The following ELP3 variants were observed in gnomAD, a reference collection of about 807,000 sequenced individuals.
ELP3 encodes the protein elongator complex protein 3.
Under a neutral mutation model 74.9 loss-of-function variants are expected in ELP3, and 56 were observed. The observed-to-expected ratio is 0.75, with a 90% confidence interval of 0.60 to 0.93. The LOEUF (loss-of-function observed/expected upper bound fraction) is 0.93, where lower values mean the gene tolerates loss of function less well. Among genes scored for constraint, ELP3 ranks in the 40% least tolerant of loss-of-function variants. The probability of loss-of-function intolerance (pLI) is 0.00; values close to 1 mark genes in which losing one functional copy is unlikely to be tolerated. For missense variants in ELP3, 573 were observed against 686.5 expected, an observed-to-expected ratio of 0.83 and a Z score of 1.85; for synonymous variants, 222 against 239.8, an observed-to-expected ratio of 0.93 and a Z score of 0.68.
intron 14 of ELP3, among the ~76,000 whole-genome samples, chr8:28,178,260 A>G (rs1814844272): frequency 6.6e-6 from 1 of 152,198 alleles, no homozygotes; most frequent in African/African-American, 2.4e-5. Flanking sequence ...AAGTTTCAAC[A>G]TACGAATTTT....
chr8:28,136,310 T>A (rs890873075), intron 9 of ELP3, among the ~76,000 whole-genome samples: 5 of 152,186 alleles, frequency 3.3e-5, no homozygotes, highest in African/African-American at 1.2e-4. Flanking sequence ...AACACTTTTT[T>A]AAATTCTCTA....
chr8:28,117,333 G>T (rs1008304272), intron 7 of ELP3, among the ~76,000 whole-genome samples: 1 of 152,114 alleles, frequency 6.6e-6, no homozygotes, highest in African/African-American at 2.4e-5. Context: ...TTGCAGAAAT[G>T]TTCTAGTGCT....
chr8:28,102,148 TA>T (rs1273678109), intron 3 of ELP3, among the ~76,000 whole-genome samples: 1 of 152,236 alleles, frequency 6.6e-6, no homozygotes, highest in Non-Finnish European at 1.5e-5. Context: ...TTGATGATTT[TA>T]GTATTGATGT....
In ELP3 at chr8:28,189,906, C is replaced by A; in HGVS notation, c.*181C>A. 1 of 586,546 alleles carries A rather than the reference C, an allele frequency of 1.7e-6. No homozygotes were observed. The highest frequency in any genetic ancestry group is 3.0e-6 in the Non-Finnish European group (1 of 336,654). The allele number at this position is 586,546 out of a possible 1,614,324, so 36.3% of individuals were successfully genotyped here. A position where few individuals can be genotyped will look rare whatever the true frequency, so the allele number is the denominator to read the frequency against. On this transcript the variant is annotated 3_prime_UTR_variant, in exon 15 of 15. Transcript: ENST00000256398. The stretch of plus-strand genomic sequence containing the variant: ...GGCTGGTCATCTGCTGACCACACCC[C>A]AGATCCGCCCTCTCCTGCGTGCACC...
chr8:28,123,788 G>T (rs925552020), intron 7 of ELP3, among the ~76,000 whole-genome samples: 1 of 151,448 alleles, frequency 6.6e-6, no homozygotes, highest in African/African-American at 2.4e-5. Flanking sequence ...ATGTCCTTCC[G>T]CATCCCTGGT....
At chr8:28,122,647 A>T (rs915353210) in intron 7 of ELP3, among the ~76,000 whole-genome samples, 6 of 152,122 alleles carry the variant, frequency 3.9e-5, no homozygotes, top group African/African-American at 1.2e-4. Context: ...TTCAACCCTG[A>T]TACTCATCAT....
chr8:28,171,831 TG>T (rs1381177865), intron 14 of ELP3, among the ~76,000 whole-genome samples: 2 of 152,186 alleles, frequency 1.3e-5, no homozygotes, highest in African/African-American at 4.8e-5. Flanking sequence ...AGTTCATTTT[TG>T]TATATGATAT....
chr8:28,117,908 A>C (rs184041930), intron 7 of ELP3, among the ~76,000 whole-genome samples: 54 of 152,306 alleles, frequency 3.5e-4, no homozygotes, highest in East Asian at 9.6e-4. Flanking sequence ...TGTTGGCATA[A>C]TTGTGAAATA....
intron 14 of ELP3, among the ~76,000 whole-genome samples, chr8:28,163,506 CCAGA>C (rs776617908): frequency 6.7e-6 from 1 of 148,566 alleles, no homozygotes; most frequent in Non-Finnish European, 1.5e-5. Context: ...TTGGCATTAT[CCAGA>C]CAGATTCCTA....
In ELP3 at chr8:28,191,032, G is replaced by A. The variant is rs1292576246; in HGVS notation, c.*1307G>A. ...TAATCTACTTTGGAGACTCTGCCTG[G>A]AGAGGGTCAGTTCCTAAGTTAAAAG... On this transcript the variant is annotated 3_prime_UTR_variant, in exon 15 of 15. Coordinates refer to ENST00000256398, the MANE Select transcript of ELP3 (RefSeq NM_018091.6). 6.6e-6 allele frequency: 1 copy of A among 152,218 alleles called. No homozygotes were observed. The highest frequency in any genetic ancestry group is 1.9e-4 in the East Asian group (1 of 5,206). 9.4% of individuals were successfully genotyped at this position (152,218 alleles called of 1,614,324 possible).
chr8:28,113,044 A>C lies in ELP3; in HGVS notation c.488A>C (p.Asp163Ala), dbSNP rs1811981835. 1 of 1,613,524 alleles carries C rather than the reference A, an allele frequency of 6.2e-7. No individual in the cohort carries two copies. Among genetic ancestry groups the C allele is most frequent in the Non-Finnish European group, 8.5e-7 (1 of 1,179,846 alleles). ...EQLKQLGHSV[D>A]KVEFIVMGGT... ...TTAAAACAACTTGGTCATAGTGTGG[A>C]TAAAGTGGAGTTTATTGTGATGGGT... The change falls in exon 7 of 15, where the codon GAT (aspartate) becomes GCT (alanine). Residue 163 changes from aspartate to alanine, a missense_variant. Coordinates refer to ENST00000256398, the MANE Select transcript of ELP3 (RefSeq NM_018091.6).
chr8:28,146,832 C>T (rs1813452521), intron 10 of ELP3, among the ~76,000 whole-genome samples: 2 of 152,182 alleles, frequency 1.3e-5, no homozygotes, highest in African/African-American at 4.8e-5. Context: ...CAGCACGATA[C>T]TACCAAAGAC....
chr8:28,159,780 C>A (rs1813993627), intron 12 of ELP3, among the ~76,000 whole-genome samples: 1 of 152,196 alleles, frequency 6.6e-6, no homozygotes, highest in African/African-American at 2.4e-5. Context: ...TCACATTTTT[C>A]TTCCCCAAAG....
At chr8:28,103,439 A>C (rs1811570428) in intron 3 of ELP3, among the ~76,000 whole-genome samples, 1 of 151,654 alleles carries the variant, frequency 6.6e-6, no homozygotes. Flanking sequence ...ATGTACCACT[A>C]TTTGCTTATT....
At chr8:28,181,194 G>A (rs188079409) in intron 14 of ELP3, among the ~76,000 whole-genome samples, 25 of 152,288 alleles carry the variant, frequency 1.6e-4, no homozygotes, top group East Asian at 1.3e-3. Flanking sequence ...TGGCTGGAGC[G>A]TTATTCTTAA....
chr8:28,152,958 T>C (rs1813698659), intron 10 of ELP3, among the ~76,000 whole-genome samples: 1 of 152,224 alleles, frequency 6.6e-6, no homozygotes, highest in South Asian at 2.1e-4. Flanking sequence ...AGTTTCATTC[T>C]TTTGCCTATT....
At position 28,140,857 on chromosome 8, in the gene ELP3, C is replaced by T. The variant is rs537512651; in HGVS notation, c.1100+2966C>T. Among the ~76,000 whole-genome samples, 17 of 152,220 alleles carry T rather than the reference C, an allele frequency of 1.1e-4. No homozygotes were observed. In the East Asian group the frequency reaches 2.5e-3, roughly 22 times the overall value. The stretch of plus-strand genomic sequence containing the variant: ...CTTTGTTCAGGCATGAGTGATGTGC[C>T]ATTGGCCATGAGTTCAGTGTTCATG... On this transcript the variant is annotated intron_variant, in intron 10 of 14. Coordinates refer to ENST00000256398, the MANE Select transcript of ELP3 (RefSeq NM_018091.6).
At chr8:28,133,740 A>G (rs1812870830) in intron 9 of ELP3, among the ~76,000 whole-genome samples, 2 of 152,168 alleles carry the variant, frequency 1.3e-5, no homozygotes, top group Non-Finnish European at 2.9e-5. Context: ...CTTTCCTCTC[A>G]AGAAGTTTAC....
intron 9 of ELP3, 141 bp downstream of exon 9, chr8:28,132,545 G>A (rs1266464307): frequency 4.6e-6 from 5 of 1,090,622 alleles, no homozygotes; most frequent in South Asian, 1.7e-5. Flanking sequence ...AACACAGTAG[G>A]GTAAGAGACA....
Sources: gnomAD v4.1 joint callset for allele counts (sites outside exome capture counted in the v4.1 genomes callset) on GRCh38, gnomAD v4.1.1 for gene constraint, MANE v1.5 for transcripts, NCBI Gene and HGNC (gene_info 2026-07-23, HGNC 2026-07-21) for gene names.